Variants in THSD7B observed in about 807,000 individuals in gnomAD.
THSD7B encodes the protein thrombospondin type-1 domain-containing protein 7B.
Under a neutral mutation model 213.6 loss-of-function variants are expected in THSD7B, and 138 were observed. That is an observed-to-expected ratio of 0.65 (90% confidence interval 0.56 to 0.74). THSD7B has a LOEUF of 0.74. Among genes scored for constraint, THSD7B ranks in the 30% least tolerant of loss-of-function variants. THSD7B has a pLI of 0.00. For synonymous variants in THSD7B, 742 were observed against 687.0 expected, an observed-to-expected ratio of 1.08 and a Z score of -1.25; for missense variants, 1,931 against 1,991.5, an observed-to-expected ratio of 0.97 and a Z score of 0.58.
chr2:137,675,743 G>A (rs779467675), intron 27 of THSD7B, among the ~76,000 whole-genome samples: 60 of 152,054 alleles, frequency 3.9e-4, no homozygotes, highest in African/African-American at 1.9e-4. Context: ...AGATGAAGCC[G>A]GGCTGTGTGG....
At chr2:137,655,685 C>T (rs377370323) in intron 22 of THSD7B, 25 bp downstream of exon 22, 64 of 1,605,144 alleles carry the variant, frequency 4.0e-5, no homozygotes, top group South Asian at 1.4e-4. Flanking sequence ...TGATTGGGAG[C>T]GCCTCCCATG....
intron 2 of THSD7B, among the ~76,000 whole-genome samples, chr2:136,904,638 G>A (rs551624546): frequency 2.0e-4 from 30 of 152,330 alleles, no homozygotes; most frequent in African/African-American, 5.8e-4. Flanking sequence ...ACACTCAGGG[G>A]TGGGATAGCT....
At chr2:137,357,365 T>C (rs1014882137) in intron 12 of THSD7B, among the ~76,000 whole-genome samples, 2 of 152,192 alleles carry the variant, frequency 1.3e-5, no homozygotes, top group Non-Finnish European at 2.9e-5. Flanking sequence ...CTCCATTTGT[T>C]GTTTTTTAAT....
At chr2:137,472,098 C>G (rs945845117) in intron 15 of THSD7B, among the ~76,000 whole-genome samples, 3 of 152,184 alleles carry the variant, frequency 2.0e-5, no homozygotes, top group Non-Finnish European at 4.4e-5. Flanking sequence ...GGTTAGTCAT[C>G]TTCCTCCTGT....
chr2:136,951,061 C>T (rs17724217), intron 2 of THSD7B, among the ~76,000 whole-genome samples: 15,432 of 152,158 alleles, frequency 0.1, 1,021 homozygotes, highest in East Asian at 0.15. Flanking sequence ...ATTTGGTTCT[C>T]TGTGGTAGCA....
chr2:137,645,088 G>T (rs1426330797), intron 21 of THSD7B, among the ~76,000 whole-genome samples: 1 of 152,022 alleles, frequency 6.6e-6, no homozygotes, highest in African/African-American at 2.4e-5. Context: ...TGCATTTCTG[G>T]CCAAGTCTAT....
At chr2:137,482,512 T>G (rs1688330255) in intron 15 of THSD7B, among the ~76,000 whole-genome samples, 2 of 152,212 alleles carry the variant, frequency 1.3e-5, no homozygotes, top group South Asian at 4.1e-4. Flanking sequence ...ATTTAATCAT[T>G]GAAGCCCCTA....
At chr2:137,290,568 T>C (rs1683309284) in intron 12 of THSD7B, among the ~76,000 whole-genome samples, 1 of 152,120 alleles carries the variant, frequency 6.6e-6, no homozygotes, top group African/African-American at 2.4e-5. Flanking sequence ...CCATCTTTAA[T>C]GTCTCCCCAG....
chr2:136,941,725 C>A (rs907256789), intron 2 of THSD7B, among the ~76,000 whole-genome samples: 6 of 151,870 alleles, frequency 4.0e-5, no homozygotes, highest in African/African-American at 1.2e-4. Flanking sequence ...TGTTTAAGTT[C>A]TTTGTAGATT....
chr2:137,331,962 C>T (rs1558760792), intron 12 of THSD7B, among the ~76,000 whole-genome samples: 1 of 152,146 alleles, frequency 6.6e-6, no homozygotes, highest in Non-Finnish European at 1.5e-5. Flanking sequence ...GCGCCGCACA[C>T]AGCCCCGGTT....
intron 12 of THSD7B, among the ~76,000 whole-genome samples, chr2:137,351,933 T>C (rs1558766863): frequency 2.6e-5 from 4 of 151,928 alleles, no homozygotes; most frequent in Non-Finnish European, 5.9e-5. Context: ...ATTCATAGAT[T>C]TTCTTGAAAC....
intron 2 of THSD7B, among the ~76,000 whole-genome samples, chr2:136,970,955 C>CAT (rs1030969147): frequency 3.9e-5 from 6 of 152,112 alleles, no homozygotes; most frequent in African/African-American, 1.4e-4. Context: ...ACAATAAAGC[C>CAT]ACAATTACAT....
intron 9 of THSD7B, among the ~76,000 whole-genome samples, chr2:137,242,161 G>A (rs750760331): frequency 1.3e-4 from 20 of 152,104 alleles, no homozygotes; most frequent in Non-Finnish European, 2.9e-4. Flanking sequence ...ATTAGTTGAT[G>A]CTGATGGTGA....
At chr2:136,810,470 C>G (rs1205061288) in intron 1 of THSD7B, among the ~76,000 whole-genome samples, 1 of 152,210 alleles carries the variant, frequency 6.6e-6, no homozygotes, top group African/African-American at 2.4e-5. Context: ...TCCCTCTCCC[C>G]ACTGCAGTCT....
In THSD7B at chr2:137,094,932, G is replaced by A; in HGVS notation, c.1010G>A (p.Cys337Tyr). The A allele has an allele frequency of 5.0e-6, 8 of 1,613,714 alleles. No homozygotes were observed. Among genetic ancestry groups the A allele is most frequent in the South Asian group, 1.1e-5 (1 of 91,068 alleles). ...CAGTCCTGCATCATGCCCAAAGACT[G>A]TGAAACCTCCCAGTGGTCCTCCTGG... ...TVQSCIMPKD[C>Y]ETSQWSSWSP... Residue 337 changes from cysteine (C) to tyrosine (Y), a missense_variant, in exon 4 of 28, where the codon TGT (cysteine) becomes TAT (tyrosine). By Grantham distance (194) the Cys-to-Tyr change is radical. Transcript: ENST00000409968.
chr2:136,888,008 T>C (rs574448718), intron 2 of THSD7B, among the ~76,000 whole-genome samples: 2 of 152,278 alleles, frequency 1.3e-5, no homozygotes, highest in South Asian at 4.1e-4. Context: ...TAGCTACTAT[T>C]TCTATCATTG....
chr2:137,314,470 G>C (rs1249754826), intron 12 of THSD7B, among the ~76,000 whole-genome samples: 2 of 152,122 alleles, frequency 1.3e-5, no homozygotes, highest in African/African-American at 2.4e-5. Context: ...CCATAGCTCG[G>C]AGTAATTTGA....
At chr2:137,102,643 G>T (rs1463565028) in intron 4 of THSD7B, among the ~76,000 whole-genome samples, 1 of 151,982 alleles carries the variant, frequency 6.6e-6, no homozygotes, top group Non-Finnish European at 1.5e-5. Flanking sequence ...GAACCTAAAA[G>T]TTTAAAGGAA....
intron 15 of THSD7B, among the ~76,000 whole-genome samples, chr2:137,504,586 A>G (rs143782370): frequency 4.6e-5 from 7 of 152,338 alleles, no homozygotes; most frequent in Non-Finnish European, 7.4e-5. Flanking sequence ...AATATGATTG[A>G]ACCACACAAA....
Sources: gnomAD v4.1 joint callset for allele counts (sites outside exome capture counted in the v4.1 genomes callset) on GRCh38, gnomAD v4.1.1 for gene constraint, MANE v1.5 for transcripts, NCBI Gene and HGNC (gene_info 2026-07-23, HGNC 2026-07-21) for gene names.